SREK1IP1: variants seen among roughly 807,000 people sequenced by gnomAD.
SREK1IP1 encodes protein SREK1IP1.
Under a neutral mutation model 22.8 loss-of-function variants are expected in SREK1IP1, and 12 were observed. The observed-to-expected ratio is 0.53, with a 90% CI of 0.34 to 0.85. The LOEUF (loss-of-function observed/expected upper bound fraction) is 0.85. Among genes scored for constraint, SREK1IP1 ranks in the 40% least tolerant of loss-of-function variants. SREK1IP1 has a pLI of 0.02. For synonymous variants in SREK1IP1, 53 were observed against 52.7 expected (o/e 1.01, Z -0.02); for missense variants, 147 against 171.8 (o/e 0.86, Z 0.81).
intron 3 of SREK1IP1, among the ~76,000 whole-genome samples, chr5:64,733,007 T>A (rs1343526593): frequency 6.7e-6 from 1 of 149,582 alleles, no homozygotes; most frequent in African/African-American, 2.5e-5. Context: ...ATAGGCAAAA[T>A]AGATCAAGCC....
rs1256823885 is a variant in SREK1IP1, at chr5:64,747,950, G to C, written c.61+6365C>G. On this transcript the variant is annotated intron_variant, in intron 2 of 4. Transcript: ENST00000513458. Reference sequence around the variant, plus strand: ...TCCACCTCAAAAAAAAAGAAAACCAGTTTGGCAGTTTTTCAAAAAAATCAA... The same window carrying C: ...TCCACCTCAAAAAAAAAGAAAACCACTTTGGCAGTTTTTCAAAAAAATCAA... 3.3e-5 allele frequency among the ~76,000 whole-genome samples: 5 copies of C among 151,996 alleles called. No individual in the cohort carries two copies. The East Asian group carries it at 9.7e-4, about 29-fold the overall frequency.
At chr5:64,749,061 T>TAATAATA (rs879369436) in intron 2 of SREK1IP1, among the ~76,000 whole-genome samples, 2,036 of 51,936 alleles carry the variant, frequency 0.039, 19 homozygotes, top group African/African-American at 0.088. Flanking sequence ...CTATGCCACA[T>TAATAATA]AATAATAATA....
At chr5:64,758,443 T>C (rs1414774772) in intron 1 of SREK1IP1, among the ~76,000 whole-genome samples, 3 of 152,188 alleles carry the variant, frequency 2.0e-5, no homozygotes, top group African/African-American at 7.2e-5. Context: ...TGTTTCCCTG[T>C]AAACCCTGTC....
chr5:64,765,586 A>G (rs147965706), intron 1 of SREK1IP1, among the ~76,000 whole-genome samples: 3 of 152,162 alleles, frequency 2.0e-5, no homozygotes, highest in Non-Finnish European at 4.4e-5. Context: ...TGACACTTGC[A>G]TTGTACTTTT....
chr5:64,760,115 C>A (rs776927986), intron 1 of SREK1IP1, among the ~76,000 whole-genome samples: 13 of 151,990 alleles, frequency 8.6e-5, no homozygotes, highest in Non-Finnish European at 1.5e-4. Flanking sequence ...AAATCAATTA[C>A]GGTATGAAAT....
intron 1 of SREK1IP1, among the ~76,000 whole-genome samples, chr5:64,766,369 T>A (rs576578555): frequency 2.6e-5 from 4 of 152,234 alleles, no homozygotes; most frequent in Non-Finnish European, 5.9e-5. Flanking sequence ...AAACCTCATT[T>A]CCTCTTTTAC....
At chr5:64,729,136 T>A (rs1167246753) in intron 3 of SREK1IP1, among the ~76,000 whole-genome samples, 1 of 152,212 alleles carries the variant, frequency 6.6e-6, no homozygotes, top group African/African-American at 2.4e-5. Context: ...CATCAGTTTG[T>A]CTCATAAAAT....
chr5:64,740,970 G>A, intron 3 of SREK1IP1, 87 bp downstream of exon 3: 1 of 1,225,310 alleles, frequency 8.2e-7, no homozygotes, highest in Non-Finnish European at 1.2e-6. Flanking sequence ...CTATAAAAGA[G>A]ATCTTAGTAA....
intron 1 of SREK1IP1, among the ~76,000 whole-genome samples, chr5:64,767,002 G>A (rs180962046): frequency 1.3e-5 from 2 of 152,136 alleles, no homozygotes; most frequent in African/African-American, 2.4e-5. Context: ...CTTTCATTCT[G>A]ACATATTTGA....
At position 64,723,583 on chromosome 5, in the gene SREK1IP1, C is replaced by A. The variant is rs989382288; in HGVS notation, c.*801G>T. ...GTTTGAGGTATCACTGTAAGACATG[C>A]CAATATGGCACATTTGTAAAACAAC... On this transcript the variant is annotated 3_prime_UTR_variant, in exon 5 of 5. Coordinates refer to ENST00000513458, the MANE Select transcript of SREK1IP1 (RefSeq NM_173829.4). 1 of 152,554 alleles carries A rather than the reference C, an allele frequency of 6.6e-6. No individual in the cohort carries two copies. Among genetic ancestry groups the A allele is most frequent in the Admixed American group, 6.5e-5 (1 of 15,272 alleles). 9.5% of individuals were successfully genotyped at this position (152,554 alleles called of 1,614,324 possible).
intron 1 of SREK1IP1, among the ~76,000 whole-genome samples, chr5:64,757,966 T>A (rs1742875214): frequency 7.0e-6 from 1 of 142,560 alleles, no homozygotes; most frequent in South Asian, 2.3e-4. Context: ...GCCTTCTGGG[T>A]TCACACCATT....
Position 64,725,949 on chromosome 5 carries a change from C to T in SREK1IP1, c.279-1376G>A, listed in dbSNP as rs551039868. 6.4e-4 allele frequency among the ~76,000 whole-genome samples: 96 copies of T among 149,906 alleles called. 1 individual carries two copies. In the East Asian group the frequency reaches 0.017, roughly 27 times the overall value. On this transcript the variant is annotated intron_variant, in intron 4 of 4. Coordinates refer to ENST00000513458, the MANE Select transcript of SREK1IP1 (RefSeq NM_173829.4). ...GCGTGATCTCGGCTCACTGCAACCT[C>T]CGCTCCCCCGAGTTCAAGCAATTCT...
intron 4 of SREK1IP1, among the ~76,000 whole-genome samples, chr5:64,726,484 G>A (rs1580536118): frequency 1.3e-5 from 2 of 151,432 alleles, no homozygotes; most frequent in South Asian, 2.1e-4. Context: ...GCTGAGGCAG[G>A]AGAATGGAGT....
chr5:64,753,559 T>G (rs1002095654), intron 2 of SREK1IP1, among the ~76,000 whole-genome samples: 4 of 152,194 alleles, frequency 2.6e-5, no homozygotes, highest in African/African-American at 9.7e-5. Context: ...GATGGAGATT[T>G]ATGCCGAGTA....
chr5:64,759,005 T>C (rs538857666), intron 1 of SREK1IP1, among the ~76,000 whole-genome samples: 1 of 152,348 alleles, frequency 6.6e-6, no homozygotes, highest in East Asian at 1.9e-4. Context: ...CTGAGGCAAC[T>C]GACTTAATAG....
Position 64,765,551 on chromosome 5 carries a change from G to A in SREK1IP1, c.13+2954C>T, listed in dbSNP as rs576631155. Among the ~76,000 whole-genome samples, 41 of 152,156 alleles carry A rather than the reference G, an allele frequency of 2.7e-4. 2 individuals carry two copies. In the South Asian group the frequency reaches 6.6e-3, roughly 25 times the overall value. ...TCGATCATCTAAGAAATTATCTTAC[G>A]ATTTTCTGTATCTGTATTTTCTAAT... On this transcript the variant is annotated intron_variant, in intron 1 of 4. Transcript: ENST00000513458.
chr5:64,749,062 A>ATC (rs1742694007), intron 2 of SREK1IP1, among the ~76,000 whole-genome samples: 1 of 48,302 alleles, frequency 2.1e-5, no homozygotes, highest in African/African-American at 2.3e-4. Flanking sequence ...TATGCCACAT[A>ATC]ATAATAATAA....
rs1224306537 is a variant in SREK1IP1, at chr5:64,737,453, T to G, written c.205+3604A>C. Among the ~76,000 whole-genome samples, 3 of 146,990 alleles carry G rather than the reference T, an allele frequency of 2.0e-5. No individual in the cohort carries two copies. In the East Asian group the frequency reaches 6.0e-4, roughly 29 times the overall value. On this transcript the variant is annotated intron_variant, in intron 3 of 4. Coordinates refer to ENST00000513458, the MANE Select transcript of SREK1IP1 (RefSeq NM_173829.4). ...AGCAGTACTAAAAGGGAAATTTATA[T>G]GATAAATGATTTTATTAAGAAAGAA...
intron 3 of SREK1IP1, among the ~76,000 whole-genome samples, chr5:64,734,688 T>C (rs913153558): frequency 8.3e-6 from 1 of 119,846 alleles, no homozygotes; most frequent in African/African-American, 5.0e-5. Flanking sequence ...ATAAAAGATA[T>C]CTGTAAAATT....
Sources: gnomAD v4.1 joint callset for allele counts (sites outside exome capture counted in the v4.1 genomes callset) on GRCh38, gnomAD v4.1.1 for gene constraint, MANE v1.5 for transcripts, NCBI Gene and HGNC (gene_info 2026-07-23, HGNC 2026-07-21) for gene names.